Variants in ASXL1 observed in about 807,000 individuals in gnomAD.
The protein encoded by ASXL1 is polycomb group protein ASXL1.
Under a neutral mutation model 89.1 loss-of-function variants are expected in ASXL1, and 65 were observed. That is an observed-to-expected ratio of 0.73 (90% confidence interval 0.60 to 0.90). The LOEUF is 0.90. ASXL1 is among the 40% of genes least tolerant of loss of function. The pLI is 0.00. For synonymous variants in ASXL1, 739 were observed against 746.9 expected (o/e 0.99, Z 0.17); for missense variants, 1,786 against 1,942.9 (o/e 0.92, Z 1.52).
Position 32,435,060 on chromosome 20 carries a change from CG to C in ASXL1, c.2350del (p.Asp784MetfsTer34), listed in dbSNP as rs2011728887. On this transcript the variant is annotated frameshift_variant, in exon 13 of 13. Transcript: ENST00000375687. LOFTEE classifies it low-confidence loss of function (END_TRUNC). ...ERLVEQPQLH[P>X]DVRTECESGT... ...TTAGTGGAGCAGCCTCAGTTGCATC[CG>C]GATGTTAGAACTGAATGTGAGTCTG... 6.2e-7 allele frequency: 1 copy of C among 1,613,952 alleles called. No individual in the cohort carries two copies. Among genetic ancestry groups the C allele is most frequent in the Admixed American group, 1.7e-5 (1 of 60,002 alleles).
Position 32,436,976 on chromosome 20 carries a change from A to G in ASXL1, c.4264A>G (p.Ser1422Gly), listed in dbSNP as rs2011949587. ...ACCCCGAGAGCCAGGGAAGGGGCTCAGTGAGCCTCTGGAGCCTTCTTCTCT... is the reference window on the plus strand; with the variant it reads ...ACCCCGAGAGCCAGGGAAGGGGCTCGGTGAGCCTCTGGAGCCTTCTTCTCT... ...KLPREPGKGL[S>G]EPLEPSSLPS... Residue 1422 changes from serine to glycine, a missense_variant, in exon 13 of 13, where the codon AGT (serine) becomes GGT (glycine). Transcript: ENST00000375687. 1 of 1,614,062 alleles carries G rather than the reference A, an allele frequency of 6.2e-7. No individual in the cohort carries two copies. Among genetic ancestry groups the G allele is most frequent in the Non-Finnish European group, 8.5e-7 (1 of 1,179,996 alleles).
chr20:32,369,194 G>C (rs1035208992), intron 4 of ASXL1, 71 bp downstream of exon 4: 3 of 1,408,566 alleles, frequency 2.1e-6, no homozygotes, highest in Non-Finnish European at 3.0e-6. Flanking sequence ...TCACCTGGTA[G>C]GTCTGGAATA....
In ASXL1 at chr20:32,429,363, G is replaced by A. The variant is rs758651476; in HGVS notation, c.497G>A (p.Gly166Glu). 2.5e-6 allele frequency: 4 copies of A among 1,614,162 alleles called. No homozygotes were observed. Among genetic ancestry groups the A allele is most frequent in the Non-Finnish European group, 2.5e-6 (3 of 1,180,034 alleles). Residue 166 changes from glycine (G) to glutamate (E), a missense_variant, in exon 7 of 13, where the codon GGG (glycine) becomes GAG (glutamate). By Grantham distance (98) the Gly-to-Glu change is moderately conservative. Transcript: ENST00000375687. The surrounding 1 kb of genome is among the most constrained non-coding windows in gnomAD (Gnocchi z 4.9). ...SQANKQKKKT[G>E]VMLPRVVLTP... Reference sequence around the variant, plus strand: ...GCGAACAAACAAAAGAAAAAGACTGGGGTGATGCTGCCTCGAGTTGTCCTG... The same window carrying A: ...GCGAACAAACAAAAGAAAAAGACTGAGGTGATGCTGCCTCGAGTTGTCCTG...
intron 4 of ASXL1, among the ~76,000 whole-genome samples, chr20:32,425,127 A>G (rs1476827464): frequency 1.3e-5 from 2 of 152,234 alleles, no homozygotes; most frequent in Non-Finnish European, 2.9e-5. Flanking sequence ...ACTATGCATT[A>G]TTTTGTATCT....
At chr20:32,359,434 A>T (rs2122759938) in intron 1 of ASXL1, 1 of 701,594 alleles carries the variant, frequency 1.4e-6, no homozygotes, top group South Asian at 1.5e-5. Flanking sequence ...GCGGTTAGGA[A>T]CGCTACTCCT....
Position 32,436,050 on chromosome 20 carries a change from A to G in ASXL1, c.3338A>G (p.Gln1113Arg). ...AACCCACTTGTGATGCAGTTGCTGC[A>G]GGGTAGCTTGCCCCTAGAGAAGGTT... ...ATNPLVMQLL[Q>R]GSLPLEKVLP... The change falls in exon 13 of 13, where the codon CAG becomes CGG. Residue 1113 changes from glutamine to arginine, a missense_variant. Physicochemically the swap from Gln to Arg is conservative, Grantham distance 43 (BLOSUM62 1). Coordinates refer to ENST00000375687, the MANE Select transcript of ASXL1 (RefSeq NM_015338.6). The G allele has an allele frequency of 6.2e-7, 1 of 1,614,160 alleles. No individual in the cohort carries two copies. The highest frequency in any genetic ancestry group is 1.1e-5 in the South Asian group (1 of 91,086).
chr20:32,394,575 A>G (rs1056711565), intron 4 of ASXL1, among the ~76,000 whole-genome samples: 2 of 152,198 alleles, frequency 1.3e-5, no homozygotes, highest in African/African-American at 4.8e-5. Context: ...CACTTCACCT[A>G]TATTACAAGA....
chr20:32,431,723 C>A (rs757341333), intron 10 of ASXL1, 44 bp downstream of exon 10: 1 of 1,587,726 alleles, frequency 6.3e-7, no homozygotes, highest in Admixed American at 1.7e-5. Context: ...ACGCACCTGT[C>A]GTGTGGTGTT....
intron 4 of ASXL1, among the ~76,000 whole-genome samples, chr20:32,384,128 AG>A (rs1412385563): frequency 1.3e-5 from 2 of 150,324 alleles, no homozygotes; most frequent in Non-Finnish European, 3.0e-5. Context: ...TGTGTACTAT[AG>A]GAGGTCTGCT....
chr20:32,384,683 G>C (rs2048548006), intron 4 of ASXL1, among the ~76,000 whole-genome samples: 1 of 152,134 alleles, frequency 6.6e-6, no homozygotes, highest in South Asian at 2.1e-4. Context: ...CTGGTTTTAT[G>C]CCCAAGGGAT....
rs756958250 is a variant in ASXL1 at position 32,437,126 on chromosome 20, G to A, written c.4414G>A (p.Val1472Met). The change falls in exon 13 of 13, where the codon GTG (valine) becomes ATG (methionine). Residue 1472 changes from valine (V) to methionine (M), a missense_variant. Val to Met is a conservative substitution (Grantham distance 21). Transcript: ENST00000375687. ...TCCCAAAGGCCTTGCTGGAAGTGTG[G>A]TGCAGCTGAGCCACAAAGCAAACTT... is the stretch of plus-strand genomic sequence containing the variant. The part of the protein sequence containing the change: ...TFPKGLAGSV[V>M]QLSHKANFGA... 1.9e-6 allele frequency: 3 copies of A among 1,614,142 alleles called. No individual in the cohort carries two copies. Among genetic ancestry groups the A allele is most frequent in the South Asian group, 1.1e-5 (1 of 91,086 alleles).
intron 4 of ASXL1, among the ~76,000 whole-genome samples, chr20:32,418,877 G>T (rs2049187937): frequency 8.5e-6 from 1 of 117,046 alleles, no homozygotes; most frequent in African/African-American, 3.3e-5. Context: ...CTGTCACCCA[G>T]GCTGGAATGC....
At chr20:32,400,573 T>A (rs963059257) in intron 4 of ASXL1, among the ~76,000 whole-genome samples, 2 of 152,100 alleles carry the variant, frequency 1.3e-5, no homozygotes, top group African/African-American at 4.8e-5. Flanking sequence ...TTCTTTTGGG[T>A]GTTGTTTTCC....
chr20:32,402,229 C>T (rs1280039595), intron 4 of ASXL1, among the ~76,000 whole-genome samples: 1 of 152,146 alleles, frequency 6.6e-6, no homozygotes, highest in African/African-American at 2.4e-5. Flanking sequence ...CATTTCTCCC[C>T]CCTAAATTAC....
intron 11 of ASXL1, 122 bp downstream of exon 11, chr20:32,433,107 C>A (rs1158390755): frequency 1.3e-5 from 20 of 1,540,312 alleles, no homozygotes; most frequent in Non-Finnish European, 1.7e-5. Context: ...ACACTTGGGT[C>A]ATTTATCTTA....
intron 4 of ASXL1, among the ~76,000 whole-genome samples, chr20:32,398,872 G>A (rs2123040219): frequency 6.6e-6 from 1 of 151,380 alleles, no homozygotes; most frequent in Admixed American, 6.6e-5. Flanking sequence ...GCCTCCCAAA[G>A]TGCTGGGATT....
Position 32,358,741 on chromosome 20 carries a change from C to G in ASXL1, c.-35C>G. 4.0e-6 allele frequency: 4 copies of G among 1,009,792 alleles called. No homozygotes were observed. Among genetic ancestry groups the G allele is most frequent in the Non-Finnish European group, 5.6e-6 (4 of 720,366 alleles). The allele number at this position is 1,009,792 out of a possible 1,614,324, so 62.6% of individuals were successfully genotyped here. A position where few individuals can be genotyped will look rare whatever the true frequency, so the allele number is the denominator to read the frequency against. On this transcript the variant is annotated 5_prime_UTR_variant, in exon 1 of 13. Transcript: ENST00000375687. The stretch of plus-strand genomic sequence containing the variant: ...GCCCCAGCCCGCCCAGCCCGGAGGT[C>G]CCGCGTGGAGCTGCCGCCGCCGCCG...
At chr20:32,426,373 G>A (rs1381553881) in intron 4 of ASXL1, among the ~76,000 whole-genome samples, 1 of 151,870 alleles carries the variant, frequency 6.6e-6, no homozygotes, top group Non-Finnish European at 1.5e-5. Context: ...AATTCATTAA[G>A]GAGTATTTTA....
At chr20:32,358,913 G>T (rs2048059762) in intron 1 of ASXL1, 81 bp downstream of exon 1, 3 of 1,358,402 alleles carry the variant, frequency 2.2e-6, no homozygotes, top group Non-Finnish European at 1.9e-6. Flanking sequence ...GGGGGGGGAG[G>T]GGCAAGGCCC....
Sources: allele counts gnomAD v4.1 joint callset (sites outside exome capture counted in the v4.1 genomes callset), GRCh38; gene constraint gnomAD v4.1.1; non-coding constraint Gnocchi (gnomAD v3.1); transcripts MANE v1.5; gene names NCBI Gene and HGNC (gene_info 2026-07-23, HGNC 2026-07-21).